EFNA5: variants seen among roughly 807,000 people sequenced by gnomAD.
EFNA5 encodes the protein ephrin-A5.
Under a neutral mutation model 22.9 loss-of-function variants are expected in EFNA5, and 5 were observed. That is an observed-to-expected ratio of 0.22 (90% confidence interval 0.11 to 0.46). The LOEUF (loss-of-function observed/expected upper bound fraction) is 0.46. Among genes scored for constraint, EFNA5 ranks in the 20% least tolerant of loss-of-function variants. The pLI, the probability that EFNA5 is intolerant of heterozygous loss-of-function variation, is 0.99. For missense variants in EFNA5, 237 were observed against 293.3 expected (o/e 0.81, Z 1.40); for synonymous variants, 113 against 112.2 (o/e 1.01, Z -0.04).
chr5:107,472,987 A>C (rs1750185314), intron 1 of EFNA5, among the ~76,000 whole-genome samples: 1 of 152,112 alleles, frequency 6.6e-6, no homozygotes, highest in Non-Finnish European at 1.5e-5. Flanking sequence ...TGGAGCCCCC[A>C]GTCTCCCTCC....
At chr5:107,661,218 A>G (rs1383848026) in intron 1 of EFNA5, among the ~76,000 whole-genome samples, 1 of 152,192 alleles carries the variant, frequency 6.6e-6, no homozygotes, top group Non-Finnish European at 1.5e-5. Flanking sequence ...AGCTTCCCTT[A>G]GCCTCCATTA....
At chr5:107,434,055 C>A (rs1749044834) in intron 1 of EFNA5, among the ~76,000 whole-genome samples, 1 of 152,196 alleles carries the variant, frequency 6.6e-6, no homozygotes, top group African/African-American at 2.4e-5. Context: ...GTGCCCTCAA[C>A]TTTCTACTGA....
At chr5:107,574,751 A>G (rs1259825385) in intron 1 of EFNA5, among the ~76,000 whole-genome samples, 1 of 152,218 alleles carries the variant, frequency 6.6e-6, no homozygotes, top group Non-Finnish European at 1.5e-5. Context: ...TGACAGAAGC[A>G]GTGGGGAGAG....
intron 2 of EFNA5, among the ~76,000 whole-genome samples, chr5:107,410,653 T>A (rs1293673482): frequency 6.6e-6 from 1 of 152,176 alleles, no homozygotes; most frequent in Non-Finnish European, 1.5e-5. Context: ...ATTTAAGGCA[T>A]CAGAAAGTTT....
At chr5:107,640,837 A>C (rs1225647244) in intron 1 of EFNA5, among the ~76,000 whole-genome samples, 1 of 152,184 alleles carries the variant, frequency 6.6e-6, no homozygotes, top group Non-Finnish European at 1.5e-5. Context: ...TCAATCACAA[A>C]CAACCTGGGT....
chr5:107,449,810 G>T (rs1044993440), intron 1 of EFNA5, among the ~76,000 whole-genome samples: 1 of 152,144 alleles, frequency 6.6e-6, no homozygotes, highest in South Asian at 2.1e-4. Flanking sequence ...ACTGTCTCTG[G>T]AGAAGTAAAC....
intron 1 of EFNA5, among the ~76,000 whole-genome samples, chr5:107,447,560 A>G (rs967680679): frequency 6.6e-6 from 1 of 152,082 alleles, no homozygotes; most frequent in Admixed American, 6.5e-5. Flanking sequence ...CAAATACATC[A>G]CTCCAATAAA....
At chr5:107,620,096 C>T (rs149887158) in intron 1 of EFNA5, among the ~76,000 whole-genome samples, 94 of 152,322 alleles carry the variant, frequency 6.2e-4, no homozygotes, top group Non-Finnish European at 1.1e-3. Flanking sequence ...TCCTTCCAAG[C>T]CCTCTAACAA....
At chr5:107,596,536 C>T (rs7726649) in intron 1 of EFNA5, among the ~76,000 whole-genome samples, 17,010 of 152,098 alleles carry the variant, frequency 0.11, 1,099 homozygotes, top group Non-Finnish European at 0.15. Flanking sequence ...TAGGTTGCTT[C>T]CATCTCTTAG....
chr5:107,386,014 T>C (rs1747609142), intron 4 of EFNA5, among the ~76,000 whole-genome samples: 1 of 151,968 alleles, frequency 6.6e-6, no homozygotes, highest in Admixed American at 6.6e-5. Context: ...CTATTGTATG[T>C]CCTGAGGCAC....
intron 2 of EFNA5, among the ~76,000 whole-genome samples, chr5:107,406,319 C>T (rs1295158908): frequency 6.6e-6 from 1 of 151,838 alleles, no homozygotes; most frequent in African/African-American, 2.4e-5. Flanking sequence ...CAACTTAATA[C>T]ACATTCTGCA....
intron 4 of EFNA5, among the ~76,000 whole-genome samples, chr5:107,385,321 G>A (rs1478177474): frequency 6.6e-6 from 1 of 152,078 alleles, no homozygotes; most frequent in African/African-American, 2.4e-5. Context: ...TTCATTACCA[G>A]AGAAAAATAT....
intron 1 of EFNA5, among the ~76,000 whole-genome samples, chr5:107,662,845 G>A (rs1275628001): frequency 1.4e-5 from 2 of 148,086 alleles, no homozygotes; most frequent in Non-Finnish European, 3.0e-5. Flanking sequence ...AGCATAGTCA[G>A]AAAAATGAAA....
intron 1 of EFNA5, among the ~76,000 whole-genome samples, chr5:107,460,409 G>A (rs1180981409): frequency 6.6e-6 from 1 of 152,128 alleles, no homozygotes; most frequent in Admixed American, 6.6e-5. Context: ...ATCCATGAGT[G>A]CAAAATGGAT....
chr5:107,521,276 T>A (rs557132362), intron 1 of EFNA5, among the ~76,000 whole-genome samples: 2 of 151,454 alleles, frequency 1.3e-5, no homozygotes, highest in South Asian at 4.2e-4. Context: ...TATGTATGTA[T>A]GTATTTACTT....
intron 1 of EFNA5, among the ~76,000 whole-genome samples, chr5:107,443,262 T>C (rs1034974732): frequency 6.6e-6 from 1 of 152,232 alleles, no homozygotes; most frequent in African/African-American, 2.4e-5. Context: ...CAGTTCCTTA[T>C]ATACCCAGCT....
chr5:107,556,781 T>TATATA (rs1748428694), intron 1 of EFNA5, among the ~76,000 whole-genome samples: 1 of 113,000 alleles, frequency 8.8e-6, no homozygotes, highest in African/African-American at 3.3e-5. Context: ...AATAAATAAA[T>TATATA]AAATAAATAA....
chr5:107,561,026 T>A (rs1312032760), intron 1 of EFNA5, among the ~76,000 whole-genome samples: 3 of 152,226 alleles, frequency 2.0e-5, no homozygotes, highest in Admixed American at 6.5e-5. Context: ...TAACTATGTC[T>A]ATTAAGAACA....
intron 1 of EFNA5, among the ~76,000 whole-genome samples, chr5:107,641,943 A>C (rs1217521348): frequency 2.0e-5 from 3 of 152,148 alleles, no homozygotes; most frequent in Non-Finnish European, 4.4e-5. Context: ...GGCTAGCCTA[A>C]AACTGCCCAT....
Sources: allele counts gnomAD v4.1 joint callset (sites outside exome capture counted in the v4.1 genomes callset), GRCh38; gene constraint gnomAD v4.1.1; transcripts MANE v1.5; gene names NCBI Gene and HGNC (gene_info 2026-07-23, HGNC 2026-07-21).